The following SPMAP2L variants were observed in gnomAD, a reference collection of about 807,000 sequenced individuals.
SPMAP2L encodes sperm microtubule associated protein 2 like, also known as sperm microtubule associated protein 2-like.
chr4:56,543,893 A>T, the SPMAP2L span, among the ~76,000 whole-genome samples: 1,627 of 132,474 alleles, frequency 0.012, 23 homozygotes, highest in Non-Finnish European at 0.018. Context: ...AGAGAGAGAG[A>T]GAGTGTGTGT....
chr4:56,585,403 G>A, the SPMAP2L span, among the ~76,000 whole-genome samples: 2 of 152,280 alleles, frequency 1.3e-5, no homozygotes, highest in African/African-American at 4.8e-5. Flanking sequence ...CTGGAATGCA[G>A]TCATGTGATC....
the SPMAP2L span, among the ~76,000 whole-genome samples, chr4:56,565,477 T>C: frequency 6.6e-6 from 1 of 152,214 alleles, no homozygotes. Context: ...CCTGACCTTG[T>C]GTGATGGGTC....
chr4:56,592,015 C>A, the SPMAP2L span, among the ~76,000 whole-genome samples: 4 of 152,130 alleles, frequency 2.6e-5, no homozygotes, highest in Non-Finnish European at 5.9e-5. Context: ...AATACCGGTC[C>A]GTGGCCTGTT....
chr4:56,536,461 T>C, the SPMAP2L span, among the ~76,000 whole-genome samples: 1 of 152,176 alleles, frequency 6.6e-6, no homozygotes, highest in Non-Finnish European at 1.5e-5. Flanking sequence ...GAGACACTTA[T>C]GGGGCTGCAT....
At chr4:56,592,009 C>A in the SPMAP2L span, among the ~76,000 whole-genome samples, 1 of 152,186 alleles carries the variant, frequency 6.6e-6, no homozygotes, top group African/African-American at 2.4e-5. Flanking sequence ...TGGACCAATA[C>A]CGGTCCGTGG....
chr4:56,594,346 C>T, the SPMAP2L span: 1 of 1,528,382 alleles, frequency 6.5e-7, no homozygotes, highest in Non-Finnish European at 9.1e-7. Flanking sequence ...TGAAACTGAA[C>T]AGTTCGTCTG....
At chr4:56,625,295 C>G in the SPMAP2L span, among the ~76,000 whole-genome samples, 3 of 152,084 alleles carry the variant, frequency 2.0e-5, no homozygotes, top group African/African-American at 7.2e-5. Context: ...ATTTTACAGG[C>G]TCATAGGAGG....
At chr4:56,624,151 G>C in the SPMAP2L span, among the ~76,000 whole-genome samples, 1 of 152,230 alleles carries the variant, frequency 6.6e-6, no homozygotes, top group Non-Finnish European at 1.5e-5. Context: ...CTCTTGTTAT[G>C]TTTTAGCAAA....
At chr4:56,536,684 A>T in the SPMAP2L span, among the ~76,000 whole-genome samples, 1 of 152,198 alleles carries the variant, frequency 6.6e-6, no homozygotes, top group African/African-American at 2.4e-5. Context: ...TAATACCCAT[A>T]AAGGTCTTAG....
the SPMAP2L span, chr4:56,559,303 CAAAAAAAAAAAA>C: frequency 1.5e-5 from 10 of 663,352 alleles, no homozygotes; most frequent in Middle Eastern, 6.4e-4. Flanking sequence ...AAGACTGTCT[CAAAAAAAAAAAA>C]AAAAAAAGAG....
the SPMAP2L span, among the ~76,000 whole-genome samples, chr4:56,551,505 G>T: frequency 3.2e-3 from 21 of 6,634 alleles, no homozygotes; most frequent in Middle Eastern, 0.25. Flanking sequence ...AGTTCAATTC[G>T]GGGGTGTCAG....
At chr4:56,537,793 C>T in the SPMAP2L span, among the ~76,000 whole-genome samples, 18 of 152,032 alleles carry the variant, frequency 1.2e-4, no homozygotes, top group East Asian at 7.8e-4. Flanking sequence ...CCCGGGTTCA[C>T]GCCATTCTCC....
the SPMAP2L span, among the ~76,000 whole-genome samples, chr4:56,550,167 A>G: frequency 6.6e-6 from 1 of 152,054 alleles, no homozygotes; most frequent in African/African-American, 2.4e-5. Flanking sequence ...TTAAAATTTT[A>G]TTGTAGAGAT....
the SPMAP2L span, among the ~76,000 whole-genome samples, chr4:56,581,304 A>C: frequency 6.6e-6 from 1 of 152,082 alleles, no homozygotes; most frequent in African/African-American, 2.4e-5. Context: ...AAAATACAAA[A>C]ATTAGCCAGG....
the SPMAP2L span, among the ~76,000 whole-genome samples, chr4:56,583,265 C>G: frequency 6.6e-6 from 1 of 150,418 alleles, no homozygotes; most frequent in East Asian, 2.0e-4. Context: ...CAGAGCGAGA[C>G]TCCATCTGAG....
the SPMAP2L span, among the ~76,000 whole-genome samples, chr4:56,604,964 A>C: frequency 6.6e-6 from 1 of 152,210 alleles, no homozygotes; most frequent in Non-Finnish European, 1.5e-5. Flanking sequence ...GAGGATGCAA[A>C]GGCGTAAGAA....
chr4:56,595,518 C>T, the SPMAP2L span: 44 of 1,514,602 alleles, frequency 2.9e-5, no homozygotes, highest in Non-Finnish European at 3.6e-5. Context: ...CCCTGACCTG[C>T]GTTATATCTT....
At chr4:56,566,313 C>T in the SPMAP2L span, among the ~76,000 whole-genome samples, 1 of 152,152 alleles carries the variant, frequency 6.6e-6, no homozygotes, top group Non-Finnish European at 1.5e-5. Flanking sequence ...ATTCTCTTCC[C>T]TCAGCCTCCC....
At chr4:56,554,386 G>A in the SPMAP2L span, among the ~76,000 whole-genome samples, 1 of 152,220 alleles carries the variant, frequency 6.6e-6, no homozygotes, top group Non-Finnish European at 1.5e-5. Context: ...TCTAATAGGT[G>A]TGTAGTGGTA....
Sources: allele counts gnomAD v4.1 joint callset (sites outside exome capture counted in the v4.1 genomes callset), GRCh38; gene constraint gnomAD v4.1.1; transcripts MANE v1.5; gene names NCBI Gene and HGNC (gene_info 2026-07-23, HGNC 2026-07-21).